Variants in COG3 observed in about 807,000 individuals in gnomAD.
The protein encoded by COG3 is conserved oligomeric Golgi complex subunit 3.
A neutral mutation model predicts 114.1 loss-of-function variants in COG3; 32 were observed. That is an observed-to-expected ratio of 0.28 (90% CI 0.21 to 0.38). The LOEUF (loss-of-function observed/expected upper bound fraction) is 0.38. Ranked by LOEUF, COG3 falls within the 10% of genes least tolerant of loss-of-function variation. The probability of loss-of-function intolerance (pLI) is 1.00; values close to 1 mark genes in which losing one functional copy is unlikely to be tolerated. For synonymous variants in COG3, 352 were observed against 365.7 expected (o/e 0.96, Z 0.43); for missense variants, 813 against 973.2 (o/e 0.84, Z 2.19).
chr13:45,535,001 T>C lies in COG3; in HGVS notation c.*270T>C. On this transcript the variant is annotated 3_prime_UTR_variant, in exon 23 of 23. Transcript: ENST00000349995. ...GTCACAAGAAATGTGAAGAGAGAGC[T>C]AGGGCAGACATGCAGTGAAATGGTT... 8.3e-7 allele frequency: 1 copy of C among 1,207,192 alleles called. No homozygotes were observed. The highest frequency in any genetic ancestry group is 1.0e-6 in the Non-Finnish European group (1 of 973,230). 74.8% of individuals were successfully genotyped at this position (1,207,192 alleles called of 1,614,324 possible).
rs139706494 is a variant in COG3 at position 45,470,703 on chromosome 13, A to G, written c.174+5493A>G. ...GATCTACATTCTTTCAGATAGACTT[A>G]TAATCGTTTTTCTCAAAAGAAGTTG... On this transcript the variant is annotated intron_variant, in intron 1 of 22. Transcript: ENST00000349995. 2.8e-3 allele frequency among the ~76,000 whole-genome samples: 422 copies of G among 152,320 alleles called. 6 individuals are homozygous for G. The highest frequency in any genetic ancestry group is 9.5e-3 in the African/African-American group (393 of 41,570).
chr13:45,534,411 G>A, intron 22 of COG3: 1 of 270,868 alleles, frequency 3.7e-6, no homozygotes. Context: ...AACATTGTGG[G>A]CCAGTTTCTA....
chr13:45,534,976 G>T lies in COG3; in HGVS notation c.*245G>T. 8.1e-7 allele frequency: 1 copy of T among 1,228,062 alleles called. No individual in the cohort carries two copies. Among genetic ancestry groups the T allele is most frequent in the Non-Finnish European group, 1.0e-6 (1 of 986,048 alleles). The allele number at this position is 1,228,062 out of a possible 1,614,324, so 76.1% of individuals were successfully genotyped here. A position where few individuals can be genotyped will look rare whatever the true frequency, so the allele number is the denominator to read the frequency against. ...TGGTGATAACTGCCTCGTTTAAATGGTCACAAGAAATGTGAAGAGAGAGCT... is the reference window on the plus strand; with the variant it reads ...TGGTGATAACTGCCTCGTTTAAATGTTCACAAGAAATGTGAAGAGAGAGCT... On this transcript the variant is annotated 3_prime_UTR_variant, in exon 23 of 23. Transcript: ENST00000349995.
At position 45,519,669 on chromosome 13, in the gene COG3, A is replaced by G. The variant is rs534465833; in HGVS notation, c.2154+575A>G. On this transcript the variant is annotated intron_variant, in intron 19 of 22. Coordinates refer to ENST00000349995, the MANE Select transcript of COG3 (RefSeq NM_031431.4). The stretch of plus-strand genomic sequence containing the variant: ...AGTGAAACAACATAAAATGAAACCA[A>G]TTTTTTTTTCCTCATCAACAGTATA... 3.2e-4 allele frequency among the ~76,000 whole-genome samples: 48 copies of G among 151,916 alleles called. 1 individual carries two copies. The highest frequency in any genetic ancestry group is 2.1e-3 in the South Asian group (10 of 4,810).
intron 8 of COG3, among the ~76,000 whole-genome samples, chr13:45,487,861 C>T (rs2148000): frequency 0.89 from 135,680 of 152,246 alleles, 60,558 homozygotes; most frequent in Admixed American, 0.92. Context: ...GCTGTCATAC[C>T]ATCCAGCAAT....
intron 14 of COG3, among the ~76,000 whole-genome samples, chr13:45,509,042 CTTTT>C (rs35234559): frequency 2.8e-5 from 4 of 143,082 alleles, no homozygotes; most frequent in Admixed American, 7.0e-5. Flanking sequence ...GATCTGCTTC[CTTTT>C]TTTTTTTTTT....
intron 13 of COG3, among the ~76,000 whole-genome samples, chr13:45,500,111 TATATAA>T (rs1387524568): frequency 0.013 from 743 of 56,912 alleles, 8 homozygotes; most frequent in African/African-American, 0.031. Context: ...TATATATATA[TATATAA>T]AAAAGAGGCC....
intron 1 of COG3, among the ~76,000 whole-genome samples, chr13:45,466,867 G>A (rs1885171191): frequency 6.6e-6 from 1 of 152,154 alleles, no homozygotes; most frequent in Non-Finnish European, 1.5e-5. Context: ...GCCACATGCA[G>A]TCTTTAACAT....
intron 1 of COG3, among the ~76,000 whole-genome samples, chr13:45,474,441 C>T (rs1032097159): frequency 2.0e-5 from 3 of 152,056 alleles, no homozygotes; most frequent in Admixed American, 1.3e-4. Context: ...GGATTACAGG[C>T]GTGAGCCACC....
chr13:45,510,171 A>ATGG (rs1272030482), intron 15 of COG3, among the ~76,000 whole-genome samples: 1 of 152,224 alleles, frequency 6.6e-6, no homozygotes, highest in African/African-American at 2.4e-5. Flanking sequence ...TCTTAAGGAT[A>ATGG]TGGTTCAAAA....
At chr13:45,484,754 G>T (rs1886470429) in intron 7 of COG3, among the ~76,000 whole-genome samples, 3 of 142,654 alleles carry the variant, frequency 2.1e-5, no homozygotes, top group Non-Finnish European at 3.1e-5. Context: ...GCGGCCTTCC[G>T]CAGTGTTTGT....
chr13:45,517,765 G>A (rs1235676226), intron 17 of COG3, among the ~76,000 whole-genome samples: 2 of 152,190 alleles, frequency 1.3e-5, no homozygotes, highest in Non-Finnish European at 2.9e-5. Context: ...TAAGTGATGG[G>A]ATAGAGCAGG....
chr13:45,480,680 C>G (rs1355188078), intron 4 of COG3, among the ~76,000 whole-genome samples: 2 of 152,210 alleles, frequency 1.3e-5, no homozygotes, highest in African/African-American at 2.4e-5. Flanking sequence ...ATTCTCCTGC[C>G]TCAGCCTCCC....
At chr13:45,522,726 G>A (rs999252) in intron 19 of COG3, among the ~76,000 whole-genome samples, 137,830 of 152,280 alleles carry the variant, frequency 0.91, 62,527 homozygotes, top group African/African-American at 0.95. Flanking sequence ...GGAATGTAAT[G>A]CTATTCTAAG....
rs146534903 is a variant in COG3 at position 45,491,132 on chromosome 13, T to G, written c.968+174T>G. 8.8e-3 allele frequency among the ~76,000 whole-genome samples: 1,344 copies of G among 152,298 alleles called. 27 individuals are homozygous for G. The highest frequency in any genetic ancestry group is 0.03 in the African/African-American group (1,241 of 41,562). ...ACTTAGCCAGTTTACATGACAGCAG[T>G]TTTTCCCATACTAGGATTTGCTTCT... On this transcript the variant is annotated intron_variant, in intron 9 of 22. Coordinates refer to ENST00000349995, the MANE Select transcript of COG3 (RefSeq NM_031431.4).
At chr13:45,476,621 C>T (rs982791604) in intron 2 of COG3, among the ~76,000 whole-genome samples, 5 of 152,188 alleles carry the variant, frequency 3.3e-5, no homozygotes, top group Non-Finnish European at 2.9e-5. Flanking sequence ...GCACTTTTGA[C>T]TTCCCCCAAT....
intron 5 of COG3, among the ~76,000 whole-genome samples, chr13:45,482,154 A>G (rs1338611480): frequency 2.6e-5 from 4 of 152,206 alleles, no homozygotes; most frequent in African/African-American, 7.2e-5. Flanking sequence ...GAAGAGTCCA[A>G]TTAAAGCTTA....
intron 13 of COG3, among the ~76,000 whole-genome samples, chr13:45,502,410 T>C (rs1218969589): frequency 6.6e-6 from 1 of 152,234 alleles, no homozygotes; most frequent in Non-Finnish European, 1.5e-5. Flanking sequence ...GATGCTCCCT[T>C]GTGTAGTAGA....
At chr13:45,496,572 A>G (rs957089100) in intron 13 of COG3, among the ~76,000 whole-genome samples, 1 of 152,098 alleles carries the variant, frequency 6.6e-6, no homozygotes, top group Non-Finnish European at 1.5e-5. Flanking sequence ...CTTCCTCAAA[A>G]TGTAAAATCA....
Sources: allele counts gnomAD v4.1 joint callset (sites outside exome capture counted in the v4.1 genomes callset), GRCh38; gene constraint gnomAD v4.1.1; transcripts MANE v1.5; gene names NCBI Gene and HGNC (gene_info 2026-07-23, HGNC 2026-07-21).